The following TSPAN9 variants were observed in gnomAD, a reference collection of about 807,000 sequenced individuals.
TSPAN9 encodes tetraspanin 9.
TSPAN9 carries 16 observed loss-of-function variants against 31.0 expected under a neutral mutation model. That is an observed-to-expected ratio of 0.52 (90% CI 0.35 to 0.78). The LOEUF is 0.78. Ranked by LOEUF, TSPAN9 falls within the 30% of genes least tolerant of loss-of-function variation. The pLI, the probability that TSPAN9 is intolerant of heterozygous loss-of-function variation, is 0.01. For missense variants in TSPAN9, 272 were observed against 312.5 expected, an observed-to-expected ratio of 0.87 and a Z score of 0.98; for synonymous variants, 145 against 121.6, an observed-to-expected ratio of 1.19 and a Z score of -1.27.
At chr12:3,128,317 C>T (rs1332748188) in intron 2 of TSPAN9, among the ~76,000 whole-genome samples, 4 of 152,108 alleles carry the variant, frequency 2.6e-5, no homozygotes, top group African/African-American at 9.7e-5. Context: ...TCCTTTTGGG[C>T]CTGCAAACAC....
chr12:3,279,844 C>A (rs148488112), intron 5 of TSPAN9, among the ~76,000 whole-genome samples: 2 of 152,328 alleles, frequency 1.3e-5, no homozygotes, highest in African/African-American at 4.8e-5. Flanking sequence ...CTGTTCTTGG[C>A]CCTTTTATGA....
Position 3,224,385 on chromosome 12 carries a change from C to T in TSPAN9, c.63+23129C>T, listed in dbSNP as rs993386481. ...TAAGAGCCCTTGGAGATCTGTGGAGCGTCAGAGAGGGGAGAGCAGAATGCA... is the reference window on the plus strand; with the variant it reads ...TAAGAGCCCTTGGAGATCTGTGGAGTGTCAGAGAGGGGAGAGCAGAATGCA... On this transcript the variant is annotated intron_variant, in intron 3 of 8. Coordinates refer to ENST00000011898, the MANE Select transcript of TSPAN9 (RefSeq NM_006675.5). 3.3e-5 allele frequency among the ~76,000 whole-genome samples: 5 copies of T among 152,200 alleles called. No homozygotes were observed. In the East Asian group the frequency reaches 5.8e-4, roughly 18 times the overall value.
intron 2 of TSPAN9, among the ~76,000 whole-genome samples, chr12:3,146,257 G>C (rs1416883603): frequency 6.6e-6 from 1 of 152,224 alleles, no homozygotes; most frequent in Non-Finnish European, 1.5e-5. Context: ...TGGGATGCGA[G>C]GTCAGGGGAT....
At position 3,168,937 on chromosome 12, in the gene TSPAN9, G is replaced by A. The variant is rs1200398187; in HGVS notation, c.-17-32240G>A. On this transcript the variant is annotated intron_variant, in intron 2 of 8. Coordinates refer to ENST00000011898, the MANE Select transcript of TSPAN9 (RefSeq NM_006675.5). The surrounding 1 kb of genome is among the most constrained non-coding windows in gnomAD (Gnocchi z 4.0). ...GGAAGGTAGTGGGGAAATACAAGGT[G>A]GTGATCTCATGTGGCATTAAACGGA... 6.6e-6 allele frequency among the ~76,000 whole-genome samples: 1 copy of A among 152,208 alleles called. No homozygotes were observed. The highest frequency in any genetic ancestry group is 1.5e-5 in the Non-Finnish European group (1 of 68,038).
chr12:3,208,461 C>T (rs1591677682), intron 3 of TSPAN9, among the ~76,000 whole-genome samples: 1 of 152,230 alleles, frequency 6.6e-6, no homozygotes, highest in Admixed American at 6.5e-5. Flanking sequence ...ACTTCTTCTG[C>T]CTCCCTTTGT....
intron 2 of TSPAN9, among the ~76,000 whole-genome samples, chr12:3,185,638 G>A (rs980028277): frequency 1.3e-5 from 2 of 152,220 alleles, no homozygotes; most frequent in East Asian, 3.9e-4. Context: ...GTGGCTCTAC[G>A]TGCTGCAGCT....
Position 3,134,159 on chromosome 12 carries a change from G to C in TSPAN9, c.-18+50440G>C, listed in dbSNP as rs796123121. ...TCGTCAGCCTTTCCCGCCGTGGACT[G>C]TGGCTAAAGCAGAGCTCAGTAGGTC... On this transcript the variant is annotated intron_variant, in intron 2 of 8. Transcript: ENST00000011898. Among the ~76,000 whole-genome samples the C allele has an allele frequency of 2.0e-5, 3 of 152,294 alleles. No individual in the cohort carries two copies. In the South Asian group the frequency reaches 6.2e-4, roughly 32 times the overall value.
chr12:3,273,219 C>T (rs959251828), intron 3 of TSPAN9: 1 of 152,272 alleles, frequency 6.6e-6, no homozygotes, highest in Non-Finnish European at 1.5e-5. Flanking sequence ...GACCCAAATC[C>T]TGGCCCTCAA....
At chr12:3,095,577 C>T (rs1179235600) in intron 2 of TSPAN9, among the ~76,000 whole-genome samples, 14 of 120,228 alleles carry the variant, frequency 1.2e-4, no homozygotes, top group East Asian at 1.0e-3. Context: ...TAGGGGCGGC[C>T]GGGCAGAGGC....
intron 2 of TSPAN9, among the ~76,000 whole-genome samples, chr12:3,160,438 A>G (rs1487162655): frequency 6.6e-6 from 1 of 152,164 alleles, no homozygotes; most frequent in Non-Finnish European, 1.5e-5. Context: ...TGGACATGTT[A>G]TTTATTTCAG....
intron 3 of TSPAN9, among the ~76,000 whole-genome samples, chr12:3,275,635 C>T (rs563133563): frequency 6.6e-6 from 1 of 152,378 alleles, no homozygotes; most frequent in South Asian, 2.1e-4. Flanking sequence ...ACCTAGTGGC[C>T]GTAGGCGGGG....
intron 2 of TSPAN9, among the ~76,000 whole-genome samples, chr12:3,086,960 TC>T (rs1269658620): frequency 5.9e-5 from 9 of 152,124 alleles, no homozygotes; most frequent in Non-Finnish European, 1.3e-4. Flanking sequence ...GTCTGGTCCC[TC>T]CCCTTGCAAT....
chr12:3,133,253 A>T (rs60816798), intron 2 of TSPAN9, among the ~76,000 whole-genome samples: 34 of 152,268 alleles, frequency 2.2e-4, no homozygotes, highest in African/African-American at 6.0e-4. Context: ...CTCTCCTCCC[A>T]CTTCAGGGCT....
rs568046857 is a variant in TSPAN9, at chr12:3,179,873, G to A, written c.-17-21304G>A. ...CAGAACACATTTCCACTGACAAGACGTGCACCGTCTCTTCTCACGGTACAC... is the reference window on the plus strand; with the variant it reads ...CAGAACACATTTCCACTGACAAGACATGCACCGTCTCTTCTCACGGTACAC... On this transcript the variant is annotated intron_variant, in intron 2 of 8. Coordinates refer to ENST00000011898, the MANE Select transcript of TSPAN9 (RefSeq NM_006675.5). Among the ~76,000 whole-genome samples the A allele has an allele frequency of 6.6e-5, 10 of 152,262 alleles. No individual in the cohort carries two copies. The East Asian group carries it at 9.6e-4, about 15-fold the overall frequency.
chr12:3,201,255 G>C lies in TSPAN9; in HGVS notation c.62G>C (p.Trp21Ser). Residue 21 changes from tryptophan (W) to serine (S), a missense_variant and splice_region_variant, in exon 3 of 9, where the codon TGG (tryptophan) becomes TCG (serine). Coordinates refer to ENST00000011898, the MANE Select transcript of TSPAN9 (RefSeq NM_006675.5). Reference sequence around the variant, plus strand: ...ATGTTCCTCTTCAATTTGATATTCTGGGTAAGTCCTTCCGTTTCTCTCTCC... The same window carrying C: ...ATGTTCCTCTTCAATTTGATATTCTCGGTAAGTCCTTCCGTTTCTCTCTCC... ...YMMFLFNLIFWLCGCGLLGVG... is the reference protein window; with the variant it reads ...YMMFLFNLIFSLCGCGLLGVG... 1 of 1,613,972 alleles carries C rather than the reference G, an allele frequency of 6.2e-7. No homozygotes were observed. Among genetic ancestry groups the C allele is most frequent in the Non-Finnish European group, 8.5e-7 (1 of 1,179,970 alleles).
At chr12:3,177,445 T>C (rs1461049920) in intron 2 of TSPAN9, among the ~76,000 whole-genome samples, 1 of 151,516 alleles carries the variant, frequency 6.6e-6, no homozygotes, top group Non-Finnish European at 1.5e-5. Context: ...CCAAGAAAAT[T>C]TTTTTGAGAT....
At chr12:3,231,633 G>A (rs2098390826) in intron 3 of TSPAN9, among the ~76,000 whole-genome samples, 1 of 152,238 alleles carries the variant, frequency 6.6e-6, no homozygotes, top group African/African-American at 2.4e-5. Context: ...AAATTCACAT[G>A]GAATTGGCCA....
At chr12:3,160,433 A>G (rs886221787) in intron 2 of TSPAN9, among the ~76,000 whole-genome samples, 2 of 152,208 alleles carry the variant, frequency 1.3e-5, no homozygotes, top group African/African-American at 4.8e-5. Context: ...TTGTGTGGAC[A>G]TGTTATTTAT....
At chr12:3,232,113 G>C (rs930149584) in intron 3 of TSPAN9, among the ~76,000 whole-genome samples, 3 of 152,210 alleles carry the variant, frequency 2.0e-5, no homozygotes, top group African/African-American at 4.8e-5. Context: ...TTATGGGCCT[G>C]AGGATGGCAA....
Sources: allele counts gnomAD v4.1 joint callset (sites outside exome capture counted in the v4.1 genomes callset), GRCh38; gene constraint gnomAD v4.1.1; non-coding constraint Gnocchi (gnomAD v3.1); transcripts MANE v1.5; gene names NCBI Gene and HGNC (gene_info 2026-07-23, HGNC 2026-07-21).